Variants in TANC1 observed in about 807,000 individuals in gnomAD.
TANC1 encodes the protein tetratricopeptide repeat, ankyrin repeat and coiled-coil containing 1, also known as protein TANC1.
In TANC1, 77 loss-of-function variants were observed where a neutral mutation model predicts 149.7. The observed-to-expected ratio is 0.51, with a 90% CI of 0.43 to 0.62. TANC1 has a LOEUF of 0.62. Among genes scored for constraint, TANC1 ranks in the 20% least tolerant of loss-of-function variants. The pLI, the probability that TANC1 is intolerant of heterozygous loss-of-function variation, is 0.00. For missense variants in TANC1, 1,985 were observed against 2,321.8 expected, an observed-to-expected ratio of 0.85 and a Z score of 2.98; for synonymous variants, 854 against 925.0, an observed-to-expected ratio of 0.92 and a Z score of 1.39.
At chr2:159,149,413 A>AAT in intron 6 of TANC1, 141 bp downstream of exon 6, 1 of 1,303,820 alleles carries the variant, frequency 7.7e-7, no homozygotes, top group Non-Finnish European at 1.1e-6. Context: ...AATTTATTTC[A>AAT]ACAGTTTGGT....
At chr2:159,187,656 A>G (rs1003513229) in intron 16 of TANC1, among the ~76,000 whole-genome samples, 2 of 152,156 alleles carry the variant, frequency 1.3e-5, no homozygotes, top group Admixed American at 6.5e-5. Context: ...CCACAGAGAC[A>G]GTGTCCAGGC....
chr2:159,148,991 G>C (rs769858749), intron 5 of TANC1, 151 bp from the exon 6 acceptor site: 2 of 813,168 alleles, frequency 2.5e-6, no homozygotes, highest in Non-Finnish European at 3.9e-6. Flanking sequence ...AGAATGTATT[G>C]CTAGAGGACA....
intron 4 of TANC1, among the ~76,000 whole-genome samples, chr2:159,116,681 T>C (rs2048303098): frequency 6.6e-6 from 1 of 152,182 alleles, no homozygotes; most frequent in African/African-American, 2.4e-5. Flanking sequence ...ATATTTTATG[T>C]ATAAAAACAC....
chr2:159,156,801 C>T (rs928732818), intron 7 of TANC1, among the ~76,000 whole-genome samples: 3 of 151,078 alleles, frequency 2.0e-5, no homozygotes, highest in African/African-American at 7.3e-5. Flanking sequence ...TGGAAAATGT[C>T]ATGTTATTTA....
At position 159,186,969 on chromosome 2, in the gene TANC1, A is replaced by G; in HGVS notation, c.2687A>G (p.Glu896Gly). Residue 896 changes from glutamate (E) to glycine (G), a missense_variant, in exon 16 of 27, where the codon GAG becomes GGG. Glu to Gly is a moderately conservative substitution (Grantham distance 98, BLOSUM62 -2). This residue lies in a region of TANC1 where 508 missense variants were observed against 714.2 expected (regional missense o/e 0.71). Transcript: ENST00000263635. ...GCCCTGTGGATCGGCTACAGCACCGAGGGGCTGTCCGCCGCCCTGGCCTCT... is the reference window on the plus strand; with the variant it reads ...GCCCTGTGGATCGGCTACAGCACCGGGGGGCTGTCCGCCGCCCTGGCCTCT... ...LQALWIGYST[E>G]GLSAALASLR... 6.2e-7 allele frequency: 1 copy of G among 1,613,988 alleles called. No homozygotes were observed.
intron 19 of TANC1, among the ~76,000 whole-genome samples, chr2:159,210,911 G>A (rs141370763): frequency 0.012 from 1,653 of 143,248 alleles, 30 homozygotes; most frequent in African/African-American, 0.041. Context: ...TTGCTCTGTC[G>A]CCCAGGCTGG....
intron 16 of TANC1, among the ~76,000 whole-genome samples, chr2:159,191,797 T>A (rs564365661): frequency 6.6e-6 from 1 of 152,330 alleles, no homozygotes; most frequent in South Asian, 2.1e-4. Context: ...TTTTTATGCC[T>A]TGTCATCTCT....
At chr2:159,059,888 T>TGTGTG (rs1553532950) in intron 2 of TANC1, among the ~76,000 whole-genome samples, 99 of 114,818 alleles carry the variant, frequency 8.6e-4, no homozygotes, top group Middle Eastern at 5.1e-3. Context: ...GCAGACCTCT[T>TGTGTG]TGTGTGTGTG....
chr2:159,119,127 G>T (rs2048591508), intron 4 of TANC1, among the ~76,000 whole-genome samples: 1 of 152,132 alleles, frequency 6.6e-6, no homozygotes, highest in African/African-American at 2.4e-5. Flanking sequence ...AGGCAGATTG[G>T]GCAGTTATTT....
At chr2:159,041,751 A>G (rs2040655760) in intron 2 of TANC1, among the ~76,000 whole-genome samples, 1 of 152,140 alleles carries the variant, frequency 6.6e-6, no homozygotes, top group Non-Finnish European at 1.5e-5. Flanking sequence ...GGGTGAGGTG[A>G]TGACCTGCCC....
At chr2:159,005,110 C>T (rs756574587) in intron 2 of TANC1, among the ~76,000 whole-genome samples, 17 of 152,108 alleles carry the variant, frequency 1.1e-4, no homozygotes, top group South Asian at 2.1e-4. Flanking sequence ...GGTTTTCTGC[C>T]CTGGGTGGGC....
chr2:159,183,424 G>A (rs183492774), intron 14 of TANC1, among the ~76,000 whole-genome samples: 147 of 152,306 alleles, frequency 9.7e-4, no homozygotes, highest in African/African-American at 3.3e-3. Flanking sequence ...GGCATGACTC[G>A]GTGAGGAAGC....
chr2:159,150,413 C>G lies in TANC1; in HGVS notation c.539C>G (p.Thr180Arg). ...GGCATCAGTCCTTGCTCCACACTAACAAGCAGCACCGCATCTCCTAGCACC... is the reference window on the plus strand; with the variant it reads ...GGCATCAGTCCTTGCTCCACACTAAGAAGCAGCACCGCATCTCCTAGCACC... ...SQGISPCSTLTSSTASPSTDS... is the reference protein window; with the variant it reads ...SQGISPCSTLRSSTASPSTDS... Residue 180 changes from threonine (T) to arginine (R), a missense_variant, in exon 7 of 27, where the codon ACA becomes AGA. Physicochemically the swap from Thr to Arg is moderately conservative, Grantham distance 71. Transcript: ENST00000263635. The G allele has an allele frequency of 6.2e-7, 1 of 1,614,170 alleles. No individual in the cohort carries two copies. Among genetic ancestry groups the G allele is most frequent in the South Asian group, 1.1e-5 (1 of 91,080 alleles).
chr2:159,018,280 G>A (rs889074090), intron 2 of TANC1, among the ~76,000 whole-genome samples: 1 of 152,142 alleles, frequency 6.6e-6, no homozygotes, highest in Non-Finnish European at 1.5e-5. Flanking sequence ...GATCGAAAAG[G>A]AAGCCCACTG....
chr2:159,225,387 G>T, intron 23 of TANC1: 1 of 469,100 alleles, frequency 2.1e-6, no homozygotes, highest in South Asian at 2.2e-5. Context: ...TTATGCTAAG[G>T]CCTCATTTAA....
At chr2:159,062,522 A>G (rs1341042828) in intron 2 of TANC1, among the ~76,000 whole-genome samples, 1 of 152,220 alleles carries the variant, frequency 6.6e-6, no homozygotes, top group Non-Finnish European at 1.5e-5. Flanking sequence ...GTGATGATGC[A>G]GAAGAGGAGA....
chr2:159,030,532 A>T (rs149183236), intron 2 of TANC1, among the ~76,000 whole-genome samples: 1 of 152,202 alleles, frequency 6.6e-6, no homozygotes, highest in Non-Finnish European at 1.5e-5. Context: ...GAAGTGGTTG[A>T]TAAGAAGCTC....
intron 2 of TANC1, among the ~76,000 whole-genome samples, chr2:159,034,851 C>T (rs1427390761): frequency 2.0e-5 from 3 of 152,202 alleles, no homozygotes; most frequent in Admixed American, 2.0e-4. Flanking sequence ...GTGACTTGAA[C>T]GTCCTCACGA....
intron 20 of TANC1, 101 bp from the exon 21 acceptor site, chr2:159,219,137 A>C (rs2059530438): frequency 6.8e-7 from 1 of 1,475,834 alleles, no homozygotes. Flanking sequence ...TTTTGAAAGA[A>C]AGTCATTTGA....
Sources: gnomAD v4.1 joint callset for allele counts (sites outside exome capture counted in the v4.1 genomes callset) on GRCh38, gnomAD v4.1.1 for gene constraint, gnomAD v4.1.1 regional missense constraint, MANE v1.5 for transcripts, NCBI Gene and HGNC (gene_info 2026-07-23, HGNC 2026-07-21) for gene names.